COL19A1: variants seen among roughly 807,000 people sequenced by gnomAD.
COL19A1 encodes the protein collagen type XIX alpha 1 chain, also known as collagen alpha-1(XIX) chain.
Under a neutral mutation model 190.2 loss-of-function variants are expected in COL19A1, and 159 were observed. The ratio of observed to expected loss-of-function variants is 0.84; its 90% CI spans 0.73 to 0.95. The LOEUF (loss-of-function observed/expected upper bound fraction) is 0.95. Ranked by LOEUF, COL19A1 falls within the 40% of genes least tolerant of loss-of-function variation. The pLI, the probability that COL19A1 is intolerant of heterozygous loss-of-function variation, is 0.00. For synonymous variants in COL19A1, 509 were observed against 458.9 expected (o/e 1.11, Z -1.39); for missense variants, 1,418 against 1,431.9 (o/e 0.99, Z 0.16).
chr6:69,931,941 G>T (rs2150014845), intron 6 of COL19A1, among the ~76,000 whole-genome samples: 1 of 152,100 alleles, frequency 6.6e-6, no homozygotes, highest in South Asian at 2.1e-4. Context: ...ATTATTATAA[G>T]ATTAGAGTTG....
In COL19A1 at chr6:69,906,918, T is replaced by C. The variant is rs1247008122; in HGVS notation, c.266+6580T>C. On this transcript the variant is annotated intron_variant, in intron 4 of 50. Transcript: ENST00000620364. ...AACTACAAATTTGGAAGATGTGTAA[T>C]GTTTTTCAGAAATATTTGAACTCTG... is the stretch of plus-strand genomic sequence containing the variant. Among the ~76,000 whole-genome samples the C allele has an allele frequency of 2.6e-5, 4 of 152,144 alleles. No individual in the cohort carries two copies. In the East Asian group the frequency reaches 5.8e-4, roughly 22 times the overall value.
At chr6:69,905,720 G>A (rs536473983) in intron 4 of COL19A1, among the ~76,000 whole-genome samples, 5 of 152,336 alleles carry the variant, frequency 3.3e-5, no homozygotes, top group South Asian at 2.1e-4. Context: ...AAGCACAGCC[G>A]TGTTCCTTAC....
intron 15 of COL19A1, among the ~76,000 whole-genome samples, chr6:70,081,573 A>G (rs1782256141): frequency 6.6e-6 from 1 of 152,206 alleles, no homozygotes; most frequent in Non-Finnish European, 1.5e-5. Context: ...CCCTTCATTG[A>G]GAAATTCTTG....
chr6:70,162,012 T>C (rs1787840271), intron 35 of COL19A1, 59 bp downstream of exon 35: 1 of 1,463,868 alleles, frequency 6.8e-7, no homozygotes, highest in Admixed American at 2.2e-5. Flanking sequence ...TGATGCAAGG[T>C]GAATTAATTT....
intron 13 of COL19A1, among the ~76,000 whole-genome samples, chr6:70,035,324 T>C (rs78855855): frequency 0.015 from 2,214 of 152,330 alleles, 55 homozygotes; most frequent in African/African-American, 0.05. Context: ...AGTTTGTTGA[T>C]ATATCCACCT....
intron 5 of COL19A1, among the ~76,000 whole-genome samples, chr6:69,928,582 A>G (rs1772545767): frequency 6.6e-6 from 1 of 152,182 alleles, no homozygotes; most frequent in Non-Finnish European, 1.5e-5. Flanking sequence ...TAGGAGAACA[A>G]CATAATATAG....
At chr6:69,923,430 T>C (rs755673915) in intron 4 of COL19A1, among the ~76,000 whole-genome samples, 10 of 152,172 alleles carry the variant, frequency 6.6e-5, no homozygotes, top group Non-Finnish European at 1.3e-4. Context: ...CCATTATTTT[T>C]CCTGCCTGGT....
intron 45 of COL19A1, 23 bp from the exon 46 acceptor site, chr6:70,184,848 T>A: frequency 1.2e-6 from 2 of 1,612,440 alleles, no homozygotes; most frequent in Non-Finnish European, 1.7e-6. Flanking sequence ...GGAGTGATTT[T>A]CATGTTGACA....
intron 49 of COL19A1, among the ~76,000 whole-genome samples, chr6:70,203,594 T>C (rs1767681158): frequency 6.8e-6 from 1 of 146,880 alleles, no homozygotes; most frequent in African/African-American, 2.5e-5. Flanking sequence ...TAAACAACTA[T>C]CCCTCCTAAA....
intron 16 of COL19A1, among the ~76,000 whole-genome samples, chr6:70,116,023 A>T (rs1030908769): frequency 7.2e-5 from 11 of 151,970 alleles, no homozygotes; most frequent in East Asian, 1.9e-4. Context: ...TGTCTTTTTT[A>T]AAAAAAGAAA....
At chr6:69,957,663 G>T (rs927926565) in intron 9 of COL19A1, among the ~76,000 whole-genome samples, 1 of 152,264 alleles carries the variant, frequency 6.6e-6, no homozygotes, top group Admixed American at 6.5e-5. Flanking sequence ...GGAAGCCAAA[G>T]AAGAAGCATC....
chr6:70,202,876 A>C (rs529985138), intron 49 of COL19A1, among the ~76,000 whole-genome samples: 1 of 152,282 alleles, frequency 6.6e-6, no homozygotes, highest in African/African-American at 2.4e-5. Flanking sequence ...TTAAATTGAA[A>C]ACATTTCCAG....
chr6:69,943,365 A>G (rs1773593083), intron 9 of COL19A1, among the ~76,000 whole-genome samples: 1 of 152,012 alleles, frequency 6.6e-6, no homozygotes, highest in African/African-American at 2.4e-5. Flanking sequence ...TTGTCTCTTC[A>G]TTCTCTTGAT....
chr6:70,050,117 A>T (rs1212462036), intron 14 of COL19A1, among the ~76,000 whole-genome samples: 1 of 152,066 alleles, frequency 6.6e-6, no homozygotes, highest in Non-Finnish European at 1.5e-5. Flanking sequence ...ATAAAATGTG[A>T]TACTAATATT....
At chr6:70,056,213 C>A (rs996818172) in intron 14 of COL19A1, among the ~76,000 whole-genome samples, 1 of 152,034 alleles carries the variant, frequency 6.6e-6, no homozygotes, top group African/African-American at 2.4e-5. Context: ...TGGGATTTTA[C>A]ACATCTAAAA....
chr6:69,967,133 C>A (rs1220278547), intron 11 of COL19A1, among the ~76,000 whole-genome samples: 1 of 152,176 alleles, frequency 6.6e-6, no homozygotes, highest in African/African-American at 2.4e-5. Flanking sequence ...TGAGAAACAT[C>A]CAGTGGCAAC....
At chr6:69,913,207 C>T (rs1771074515) in intron 4 of COL19A1, among the ~76,000 whole-genome samples, 1 of 152,142 alleles carries the variant, frequency 6.6e-6, no homozygotes, top group Admixed American at 6.5e-5. Flanking sequence ...GTTAAGAGGG[C>T]TATATTGAGA....
At chr6:70,020,725 A>G (rs1053004192) in intron 11 of COL19A1, among the ~76,000 whole-genome samples, 15 of 152,062 alleles carry the variant, frequency 9.9e-5, no homozygotes, top group Non-Finnish European at 5.9e-5. Flanking sequence ...GCTTTTAGTG[A>G]GCAGAGAGCA....
chr6:70,164,350 C>T lies in COL19A1; in HGVS notation c.2400+954C>T, dbSNP rs552599163. On this transcript the variant is annotated intron_variant, in intron 36 of 50. Transcript: ENST00000620364. ...GTGGAATAAGCCTAGCTATTTAGAT[C>T]GGGGAAGTAAGAATCAAGAGTCCAC... Among the ~76,000 whole-genome samples the T allele has an allele frequency of 1.1e-4, 17 of 152,146 alleles. No homozygotes were observed. The South Asian group carries it at 3.1e-3, about 28-fold the overall frequency.
Sources: allele counts gnomAD v4.1 joint callset (sites outside exome capture counted in the v4.1 genomes callset), GRCh38; gene constraint gnomAD v4.1.1; transcripts MANE v1.5; gene names NCBI Gene and HGNC (gene_info 2026-07-23, HGNC 2026-07-21).